PTPN21: variants seen among roughly 807,000 people sequenced by gnomAD.
The protein encoded by PTPN21 is protein tyrosine phosphatase non-receptor type 21.
PTPN21 carries 77 observed loss-of-function variants against 131.8 expected under a neutral mutation model. The ratio of observed to expected loss-of-function variants is 0.58; its 90% CI spans 0.49 to 0.71. The LOEUF (loss-of-function observed/expected upper bound fraction) is 0.71. PTPN21 is among the 30% of genes least tolerant of loss of function. The pLI, the probability that PTPN21 is intolerant of heterozygous loss-of-function variation, is 0.00. For synonymous variants in PTPN21, 715 were observed against 621.3 expected (o/e 1.15, Z -2.24); for missense variants, 1,552 against 1,527.1 (o/e 1.02, Z -0.27).
intron 2 of PTPN21, among the ~76,000 whole-genome samples, chr14:88,528,713 G>T (rs542333219): frequency 6.6e-6 from 1 of 152,322 alleles, no homozygotes; most frequent in East Asian, 1.9e-4. Flanking sequence ...CATGTGAGAC[G>T]TGCCTTTCAT....
rs962203961 is a variant in PTPN21 at position 88,466,819 on chromosome 14, G to A, written c.*1318C>T. Reference sequence around the variant, plus strand: ...CCTCTTGAATACCACAGCAATCTCTGTGCACAAATTTGGACTGTACTTTTT... The same window carrying A: ...CCTCTTGAATACCACAGCAATCTCTATGCACAAATTTGGACTGTACTTTTT... On this transcript the variant is annotated 3_prime_UTR_variant, in exon 19 of 19. Coordinates refer to ENST00000556564, the MANE Select transcript of PTPN21 (RefSeq NM_007039.4). The A allele has an allele frequency of 6.6e-6, 1 of 152,202 alleles. No individual in the cohort carries two copies. Among genetic ancestry groups the A allele is most frequent in the Non-Finnish European group, 1.5e-5 (1 of 68,050 alleles). 9.4% of individuals were successfully genotyped at this position (152,202 alleles called of 1,614,324 possible).
At chr14:88,488,798 T>C (rs2077774910) in intron 10 of PTPN21, among the ~76,000 whole-genome samples, 1 of 152,052 alleles carries the variant, frequency 6.6e-6, no homozygotes. Flanking sequence ...CACCATATTC[T>C]ACCTGGGAAA....
intron 13 of PTPN21, 39 bp from the exon 14 acceptor site, chr14:88,473,841 A>G (rs746417986): frequency 3.3e-6 from 5 of 1,536,990 alleles, no homozygotes; most frequent in Non-Finnish European, 1.8e-6. Flanking sequence ...AATATACACA[A>G]ATACAACCCC....
intron 10 of PTPN21, among the ~76,000 whole-genome samples, chr14:88,488,429 C>T (rs1033964176): frequency 1.1e-4 from 16 of 152,198 alleles, no homozygotes; most frequent in African/African-American, 3.9e-4. Flanking sequence ...ACCCAGGCAG[C>T]CACGCCATCA....
chr14:88,478,879 G>A (rs1595348568), intron 13 of PTPN21, 41 bp downstream of exon 13: 7 of 1,349,132 alleles, frequency 5.2e-6, no homozygotes, highest in Non-Finnish European at 6.8e-6. Context: ...CAGGGCGAAC[G>A]CGCGGTCCCC....
intron 3 of PTPN21, among the ~76,000 whole-genome samples, chr14:88,510,523 C>A (rs114967427): frequency 6.6e-6 from 1 of 152,164 alleles, no homozygotes; most frequent in Non-Finnish European, 1.5e-5. Flanking sequence ...TTGTTCTTAA[C>A]CACGACAAAT....
chr14:88,538,773 C>T (rs541928058), intron 2 of PTPN21, among the ~76,000 whole-genome samples: 9 of 152,240 alleles, frequency 5.9e-5, no homozygotes, highest in Non-Finnish European at 1.2e-4. Flanking sequence ...CTGTGGTTTC[C>T]GCCATGTAAC....
chr14:88,510,782 G>A (rs1056561264), intron 3 of PTPN21, among the ~76,000 whole-genome samples: 5 of 152,064 alleles, frequency 3.3e-5, no homozygotes, highest in Non-Finnish European at 7.4e-5. Context: ...TAAAGTACTT[G>A]GGACAGTGTC....
At position 88,517,086 on chromosome 14, in the gene PTPN21, T is replaced by A. The variant is rs1297933740; in HGVS notation, c.350+6A>T. On this transcript the variant is annotated splice_donor_region_variant and intron_variant, in intron 3 of 18. Coordinates refer to ENST00000556564, the MANE Select transcript of PTPN21 (RefSeq NM_007039.4). Reference sequence around the variant, plus strand: ...TCCTAAAAACAAACGGCATGTAATTTCTCACCTGGTAATCTCCTGCTGCAG... The same window carrying A: ...TCCTAAAAACAAACGGCATGTAATTACTCACCTGGTAATCTCCTGCTGCAG... 4 of 1,612,742 alleles carry A rather than the reference T, an allele frequency of 2.5e-6. No homozygotes were observed. The highest frequency in any genetic ancestry group is 3.4e-6 in the Non-Finnish European group (4 of 1,179,136).
chr14:88,489,967 G>A (rs756722795), intron 10 of PTPN21, among the ~76,000 whole-genome samples: 5 of 152,024 alleles, frequency 3.3e-5, no homozygotes, highest in Non-Finnish European at 7.4e-5. Context: ...ACTGATGGAG[G>A]GAGAGGCCCT....
At chr14:88,551,840 C>G (rs933196584) in intron 1 of PTPN21, 3 of 152,328 alleles carry the variant, frequency 2.0e-5, no homozygotes, top group African/African-American at 7.2e-5. Flanking sequence ...CCAAGCCGGG[C>G]TCTAACAGTT....
chr14:88,540,938 C>T (rs1386210261), intron 2 of PTPN21, among the ~76,000 whole-genome samples: 2 of 152,200 alleles, frequency 1.3e-5, no homozygotes, highest in Non-Finnish European at 2.9e-5. Context: ...GCTATGATTA[C>T]AGGCATGAGC....
chr14:88,541,805 C>A (rs956551027), intron 2 of PTPN21, among the ~76,000 whole-genome samples: 1 of 152,192 alleles, frequency 6.6e-6, no homozygotes, highest in African/African-American at 2.4e-5. Context: ...TTATGAAGGT[C>A]TTGAATTGTT....
At chr14:88,528,159 G>A (rs1360753069) in intron 2 of PTPN21, among the ~76,000 whole-genome samples, 1 of 152,014 alleles carries the variant, frequency 6.6e-6, no homozygotes, top group Non-Finnish European at 1.5e-5. Flanking sequence ...GTAAGTTTTA[G>A]GATTGTTTTT....
intron 8 of PTPN21, among the ~76,000 whole-genome samples, chr14:88,498,178 A>G (rs2077953461): frequency 6.6e-6 from 1 of 152,066 alleles, no homozygotes; most frequent in South Asian, 2.1e-4. Context: ...TGGGAGGCTG[A>G]GGCAGAAGAA....
chr14:88,546,420 AC>A (rs1461611961), intron 2 of PTPN21, among the ~76,000 whole-genome samples: 3 of 151,310 alleles, frequency 2.0e-5, no homozygotes, highest in Non-Finnish European at 4.4e-5. Flanking sequence ...ATACAAAAAT[AC>A]AAAAATTAGC....
intron 2 of PTPN21, among the ~76,000 whole-genome samples, chr14:88,544,162 T>G (rs558069929): frequency 1.4e-4 from 22 of 152,038 alleles, no homozygotes; most frequent in Non-Finnish European, 2.9e-4. Flanking sequence ...TTGGCCAACA[T>G]AGTGAAACCC....
At chr14:88,534,353 A>T (rs1368027345) in intron 2 of PTPN21, among the ~76,000 whole-genome samples, 1 of 151,902 alleles carries the variant, frequency 6.6e-6, no homozygotes, top group Admixed American at 6.6e-5. Flanking sequence ...ACTGTACCCC[A>T]GCCTGGGCAA....
chr14:88,504,556 A>T (rs1174778177), intron 5 of PTPN21, 61 bp from the exon 6 acceptor site: 11 of 1,369,256 alleles, frequency 8.0e-6, no homozygotes, highest in Non-Finnish European at 8.3e-6. Context: ...AGAAGGAATC[A>T]TGGCCATTGA....
Sources: gnomAD v4.1 joint callset for allele counts (sites outside exome capture counted in the v4.1 genomes callset) on GRCh38, gnomAD v4.1.1 for gene constraint, MANE v1.5 for transcripts, NCBI Gene and HGNC (gene_info 2026-07-23, HGNC 2026-07-21) for gene names.